Variants in LIN54 observed in about 807,000 individuals in gnomAD.
LIN54 encodes the protein lin-54 DREAM MuvB core complex component.
A neutral mutation model predicts 78.7 loss-of-function variants in LIN54; 9 were observed. That is an observed-to-expected ratio of 0.11 (90% CI 0.07 to 0.20). The LOEUF (loss-of-function observed/expected upper bound fraction) is 0.20. Ranked by LOEUF, LIN54 falls within the 10% of genes least tolerant of loss-of-function variation. LIN54 has a pLI of 1.00. For synonymous variants in LIN54, 269 were observed against 318.4 expected, an observed-to-expected ratio of 0.84 and a Z score of 1.65; for missense variants, 573 against 889.9, an observed-to-expected ratio of 0.64 and a Z score of 4.53.
At chr4:83,009,366 T>C (rs1243360215) in intron 1 of LIN54, among the ~76,000 whole-genome samples, 2 of 152,236 alleles carry the variant, frequency 1.3e-5, no homozygotes, top group Non-Finnish European at 2.9e-5. Flanking sequence ...ACATTACCCA[T>C]GGGCATTCCT....
rs769725905 is a variant in LIN54 at position 83,008,880 on chromosome 4, AAAAG to A, written c.-33+1600_-33+1603del. Among the ~76,000 whole-genome samples, 39 of 152,334 alleles carry A rather than the reference AAAAG, an allele frequency of 2.6e-4. No individual in the cohort carries two copies. The East Asian group carries it at 5.0e-3, about 20-fold the overall frequency. On this transcript the variant is annotated intron_variant, in intron 1 of 12. Coordinates refer to ENST00000340417, the MANE Select transcript of LIN54 (RefSeq NM_194282.4). The stretch of plus-strand genomic sequence containing the variant: ...AAAGAGACAATAGCCCTCTGTGATT[AAAAG>A]AAAGCCAATGAAAAAGCTTTTTAAT...
chr4:82,931,206 A>T, intron 11 of LIN54, 61 bp from the exon 12 acceptor site: 2 of 1,220,196 alleles, frequency 1.6e-6, no homozygotes, highest in Non-Finnish European at 1.2e-6. Context: ...CTATAAGTAG[A>T]TGCCACAATC....
At chr4:82,962,826 T>C (rs1032608389) in intron 4 of LIN54, among the ~76,000 whole-genome samples, 1 of 151,992 alleles carries the variant, frequency 6.6e-6, no homozygotes, top group East Asian at 1.9e-4. Context: ...GAAAAACAAT[T>C]GAGCATCCAA....
At chr4:82,973,736 T>G (rs1199826195) in intron 3 of LIN54, among the ~76,000 whole-genome samples, 1 of 152,202 alleles carries the variant, frequency 6.6e-6, no homozygotes, top group Non-Finnish European at 1.5e-5. Flanking sequence ...GTGGCTGGTA[T>G]CTACATTTTA....
intron 2 of LIN54, among the ~76,000 whole-genome samples, chr4:82,981,557 A>G (rs1726641301): frequency 6.6e-6 from 1 of 152,208 alleles, no homozygotes; most frequent in Non-Finnish European, 1.5e-5. Flanking sequence ...GAAAAAATAT[A>G]GATGCATAGT....
At chr4:82,937,720 G>A (rs1019375323) in intron 8 of LIN54, among the ~76,000 whole-genome samples, 1 of 152,236 alleles carries the variant, frequency 6.6e-6, no homozygotes, top group African/African-American at 2.4e-5. Context: ...GGAAATGGAA[G>A]TGGGATGTGG....
At chr4:82,933,420 G>A (rs1578484140) in intron 11 of LIN54, among the ~76,000 whole-genome samples, 2 of 149,324 alleles carry the variant, frequency 1.3e-5, no homozygotes, top group African/African-American at 4.9e-5. Flanking sequence ...ATGGTCACAA[G>A]AAAAGACACA....
At chr4:83,003,388 TA>T (rs777155418) in intron 1 of LIN54, 4 of 152,160 alleles carry the variant, frequency 2.6e-5, no homozygotes, top group Non-Finnish European at 4.4e-5. Context: ...TTTCTCAAAC[TA>T]AACTGGGAGC....
chr4:83,001,866 G>A lies in LIN54; in HGVS notation c.-33+8618C>T, dbSNP rs1298222580. On this transcript the variant is annotated intron_variant, in intron 1 of 12. Coordinates refer to ENST00000340417, the MANE Select transcript of LIN54 (RefSeq NM_194282.4). Reference sequence around the variant, plus strand: ...CTGTCTCAAAAAAAAAAAAAGGATAGGAAGGAAGGAAGGAAGGAAGGAAGG... The same window carrying A: ...CTGTCTCAAAAAAAAAAAAAGGATAAGAAGGAAGGAAGGAAGGAAGGAAGG... Among the ~76,000 whole-genome samples, 4 of 8,478 alleles carry A rather than the reference G, an allele frequency of 4.7e-4. No individual in the cohort carries two copies. The African/African-American group carries it at 6.1e-3, about 13-fold the overall frequency. The allele number at this position is 8,478 out of a possible 152,430, so 5.6% of individuals were successfully genotyped here.
intron 1 of LIN54, among the ~76,000 whole-genome samples, chr4:83,002,215 G>GA (rs1481096572): frequency 6.6e-6 from 1 of 151,658 alleles, no homozygotes; most frequent in East Asian, 1.9e-4. Context: ...AGCAAACAGT[G>GA]AAAAAAAGCT....
At chr4:82,984,113 T>A in intron 2 of LIN54, 48 bp downstream of exon 2, 1 of 1,361,142 alleles carries the variant, frequency 7.3e-7, no homozygotes, top group Non-Finnish European at 1.0e-6. Flanking sequence ...ATCAGTTAAA[T>A]TTTTTTAAAC....
At chr4:82,946,083 AAAGAATACT>A (rs1228443614) in intron 5 of LIN54, among the ~76,000 whole-genome samples, 166 bp downstream of exon 5, 1 of 152,246 alleles carries the variant, frequency 6.6e-6, no homozygotes, top group Non-Finnish European at 1.5e-5. Flanking sequence ...CATCTAGCAG[AAAGAATACT>A]ACAGTTATGC....
In LIN54 at chr4:82,926,326, G is replaced by A. The variant is rs1008540814; in HGVS notation, c.*1776C>T. 6.6e-6 allele frequency: 1 copy of A among 151,990 alleles called. No individual in the cohort carries two copies. Among genetic ancestry groups the A allele is most frequent in the South Asian group, 2.1e-4 (1 of 4,800 alleles). 9.4% of individuals were successfully genotyped at this position (151,990 alleles called of 1,614,324 possible). ...ATACAAATTTTAATTAAACATACTAGATTGAGGTGCTAAGAATGTTTGAAC... is the reference window on the plus strand; with the variant it reads ...ATACAAATTTTAATTAAACATACTAAATTGAGGTGCTAAGAATGTTTGAAC... On this transcript the variant is annotated 3_prime_UTR_variant, in exon 13 of 13. Coordinates refer to ENST00000340417, the MANE Select transcript of LIN54 (RefSeq NM_194282.4).
intron 1 of LIN54, among the ~76,000 whole-genome samples, chr4:82,989,004 T>C (rs1330286091): frequency 6.6e-6 from 1 of 152,010 alleles, no homozygotes; most frequent in South Asian, 2.1e-4. Flanking sequence ...CTGTCTAACA[T>C]GGTGAAACCC....
At chr4:82,970,191 T>C in intron 4 of LIN54, 136 bp downstream of exon 4, 1 of 764,448 alleles carries the variant, frequency 1.3e-6, no homozygotes. Context: ...CCTTGATTAC[T>C]AAATTAATCC....
In LIN54 at chr4:82,985,009, C is replaced by T. The variant is rs1578612020; in HGVS notation, c.-32-133G>A. 3 of 629,530 alleles carry T rather than the reference C, an allele frequency of 4.8e-6. No individual in the cohort carries two copies. In the East Asian group the frequency reaches 8.3e-5, roughly 17 times the overall value. 39.0% of individuals were successfully genotyped at this position (629,530 alleles called of 1,614,324 possible). On this transcript the variant is annotated intron_variant, in intron 1 of 12. Transcript: ENST00000340417. ...AATTGAATGAAGAATATTCCTGAAGCTTATCTGGGTTAAATCATGTTAACA... is the reference window on the plus strand; with the variant it reads ...AATTGAATGAAGAATATTCCTGAAGTTTATCTGGGTTAAATCATGTTAACA...
intron 1 of LIN54, among the ~76,000 whole-genome samples, chr4:83,008,673 G>T (rs1729612059): frequency 6.6e-6 from 1 of 151,908 alleles, no homozygotes; most frequent in African/African-American, 2.4e-5. Context: ...CTCTGCCTTG[G>T]AAAAAAATAA....
chr4:82,980,234 G>C lies in LIN54; in HGVS notation c.685-1228C>G, dbSNP rs896474682. Among the ~76,000 whole-genome samples the C allele has an allele frequency of 5.3e-5, 8 of 152,074 alleles. 1 individual carries two copies. In the South Asian group the frequency reaches 1.5e-3, roughly 28 times the overall value. On this transcript the variant is annotated intron_variant, in intron 2 of 12. Transcript: ENST00000340417. ...TACAAAGACACAGCTTCTTCTAAAA[G>C]TTAAAAGAAGAAATTTACCTGGGAT... is the stretch of plus-strand genomic sequence containing the variant.
chr4:83,010,801 C>A lies in LIN54; in HGVS notation c.-350G>T. The stretch of plus-strand genomic sequence containing the variant: ...TCCCCGACAGCCGGAGCCCGGGCCG[C>A]CGCCGCCGCCGCCACCACCAGTAAC... On this transcript the variant is annotated 5_prime_UTR_variant, in exon 1 of 13. Coordinates refer to ENST00000340417, the MANE Select transcript of LIN54 (RefSeq NM_194282.4). 8.1e-7 allele frequency: 1 copy of A among 1,234,824 alleles called. No homozygotes were observed. The highest frequency in any genetic ancestry group is 4.2e-5 in the Admixed American group (1 of 23,738). The allele number at this position is 1,234,824 out of a possible 1,614,324, so 76.5% of individuals were successfully genotyped here.
Sources: allele counts gnomAD v4.1 joint callset (sites outside exome capture counted in the v4.1 genomes callset), GRCh38; gene constraint gnomAD v4.1.1; transcripts MANE v1.5; gene names NCBI Gene and HGNC (gene_info 2026-07-23, HGNC 2026-07-21).